The following DPYD variants were observed in gnomAD, a reference collection of about 807,000 sequenced individuals.
DPYD encodes the protein dihydropyrimidine dehydrogenase [NADP(+)].
A neutral mutation model predicts 116.2 loss-of-function variants in DPYD; 109 were observed. That is an observed-to-expected ratio of 0.94 (90% CI 0.80 to 1.10). DPYD has a LOEUF of 1.10. Ranked by LOEUF, DPYD falls within the 50% of genes least tolerant of loss-of-function variation. DPYD has a pLI of 0.00. For missense variants in DPYD, 1,302 were observed against 1,254.5 expected (o/e 1.04, Z -0.57); for synonymous variants, 440 against 432.0 (o/e 1.02, Z -0.23).
At position 97,623,874 on chromosome 1, in the gene DPYD, C is replaced by G. The variant is rs943099654; in HGVS notation, c.851-28708G>C. Among the ~76,000 whole-genome samples, 4 of 151,890 alleles carry G rather than the reference C, an allele frequency of 2.6e-5. 1 individual carries two copies. The highest frequency in any genetic ancestry group is 1.3e-4 in the Admixed American group (2 of 15,202). ...TTTTGACAAAGGTGCCAAGAATAAG[C>G]AATGGGTAAAGGATAGTCTCATTGA... On this transcript the variant is annotated intron_variant, in intron 8 of 22. Transcript: ENST00000370192.
At chr1:97,606,753 A>T (rs1655625440) in intron 8 of DPYD, among the ~76,000 whole-genome samples, 2 of 152,020 alleles carry the variant, frequency 1.3e-5, no homozygotes. Flanking sequence ...TAGTATATAG[A>T]AATAATTTGC....
chr1:97,790,135 T>A (rs1003972691), intron 3 of DPYD, among the ~76,000 whole-genome samples: 1 of 152,044 alleles, frequency 6.6e-6, no homozygotes, highest in African/African-American at 2.4e-5. Flanking sequence ...CCTCAAGAAA[T>A]CATCTGGAAT....
At chr1:97,700,909 AG>A (rs1279732641) in intron 5 of DPYD, among the ~76,000 whole-genome samples, 1 of 151,598 alleles carries the variant, frequency 6.6e-6, no homozygotes, top group African/African-American at 2.4e-5. Flanking sequence ...ATGTGGAAGG[AG>A]GGAGTGGGAT....
intron 16 of DPYD, among the ~76,000 whole-genome samples, chr1:97,342,305 G>A (rs1669628063): frequency 6.6e-6 from 1 of 151,938 alleles, no homozygotes; most frequent in African/African-American, 2.4e-5. Context: ...TTTCTACTTC[G>A]AAGAACAACT....
At chr1:97,797,731 A>G (rs375952480) in intron 3 of DPYD, 60 of 152,170 alleles carry the variant, frequency 3.9e-4, no homozygotes, top group African/African-American at 1.3e-3. Flanking sequence ...CCTGTACTAA[A>G]CCAAGCATCA....
At chr1:97,127,127 GC>G (rs1652905762) in intron 20 of DPYD, among the ~76,000 whole-genome samples, 1 of 152,134 alleles carries the variant, frequency 6.6e-6, no homozygotes. Context: ...GATAAGGCAG[GC>G]CTTCTTGGAC....
At chr1:97,219,305 A>T (rs1660631923) in intron 19 of DPYD, among the ~76,000 whole-genome samples, 1 of 152,192 alleles carries the variant, frequency 6.6e-6, no homozygotes, top group Non-Finnish European at 1.5e-5. Flanking sequence ...TTGCAAGATA[A>T]ATAGAGTGGC....
intron 2 of DPYD, among the ~76,000 whole-genome samples, chr1:97,837,976 A>T (rs1186578391): frequency 6.6e-6 from 1 of 152,256 alleles, no homozygotes; most frequent in African/African-American, 2.4e-5. Flanking sequence ...CCAATTTTCT[A>T]TATTTCTTAT....
At chr1:97,556,517 C>T (rs1296750223) in intron 11 of DPYD, among the ~76,000 whole-genome samples, 3 of 115,686 alleles carry the variant, frequency 2.6e-5, no homozygotes, top group Non-Finnish European at 5.3e-5. Context: ...CCCCCCACCC[C>T]ACAACAGTCC....
chr1:97,636,607 A>T (rs1657576145), intron 8 of DPYD, among the ~76,000 whole-genome samples: 1 of 152,184 alleles, frequency 6.6e-6, no homozygotes, highest in African/African-American at 2.4e-5. Context: ...ATGAAGACAT[A>T]TAATATGTGA....
At position 97,828,177 on chromosome 1, in the gene DPYD, T is replaced by G; in HGVS notation, c.170A>C (p.Asn57Thr). The change falls in exon 3 of 23, where the codon AAT becomes ACT. Residue 57 changes from asparagine to threonine, a missense_variant. Asn to Thr is a moderately conservative substitution (Grantham distance 65, BLOSUM62 0). Coordinates refer to ENST00000370192, the MANE Select transcript of DPYD (RefSeq NM_000110.4). ...KNCFNCEKLE[N>T]NFDDIKHTTL... The stretch of plus-strand genomic sequence containing the variant: ...CGTGTGCTTGATGTCATCAAAATTA[T>G]TCTCCAGCTTCTCACAATTCTGCAA... The G allele has an allele frequency of 6.2e-7, 1 of 1,613,508 alleles. No individual in the cohort carries two copies. The highest frequency in any genetic ancestry group is 1.1e-5 in the South Asian group (1 of 91,082).
intron 3 of DPYD, among the ~76,000 whole-genome samples, chr1:97,761,401 A>G (rs1665568476): frequency 6.6e-6 from 1 of 152,182 alleles, no homozygotes; most frequent in Non-Finnish European, 1.5e-5. Flanking sequence ...TGACAAAACG[A>G]GAATATATGA....
At chr1:97,340,686 A>C (rs990769394) in intron 16 of DPYD, among the ~76,000 whole-genome samples, 1 of 152,162 alleles carries the variant, frequency 6.6e-6, no homozygotes, top group Admixed American at 6.6e-5. Context: ...AAAAAATAAA[A>C]GAAAATAAAA....
At chr1:97,373,117 C>A (rs1443426898) in intron 16 of DPYD, among the ~76,000 whole-genome samples, 1 of 152,134 alleles carries the variant, frequency 6.6e-6, no homozygotes, top group African/African-American at 2.4e-5. Flanking sequence ...TCCCCAAACA[C>A]AGTTAGTGAA....
intron 18 of DPYD, among the ~76,000 whole-genome samples, chr1:97,254,465 C>A (rs989682657): frequency 6.6e-6 from 1 of 151,960 alleles, no homozygotes. Context: ...TGTATTTAAC[C>A]ATTTGTCCAT....
At chr1:97,496,798 A>T (rs1275277509) in intron 13 of DPYD, among the ~76,000 whole-genome samples, 1 of 151,892 alleles carries the variant, frequency 6.6e-6, no homozygotes, top group Non-Finnish European at 1.5e-5. Context: ...TCTCACGCAC[A>T]TCACATCTAG....
At chr1:97,173,021 A>G (rs1195324962) in intron 20 of DPYD, among the ~76,000 whole-genome samples, 1 of 151,952 alleles carries the variant, frequency 6.6e-6, no homozygotes, top group Non-Finnish European at 1.5e-5. Context: ...TATGTTGAGG[A>G]GTGGTAATTG....
intron 13 of DPYD, among the ~76,000 whole-genome samples, chr1:97,455,263 C>A (rs952007724): frequency 2.0e-5 from 3 of 151,812 alleles, no homozygotes; most frequent in Admixed American, 1.3e-4. Context: ...ATGAGTTATG[C>A]AGTAGTATAG....
In DPYD at chr1:97,801,901, AT is replaced by A. The variant is rs537090892; in HGVS notation, c.233+26212del. Among the ~76,000 whole-genome samples the A allele has an allele frequency of 6.6e-5, 10 of 151,960 alleles. No homozygotes were observed. In the South Asian group the frequency reaches 2.1e-3, roughly 31 times the overall value. On this transcript the variant is annotated intron_variant, in intron 3 of 22. Coordinates refer to ENST00000370192, the MANE Select transcript of DPYD (RefSeq NM_000110.4). ...ATTTAAAATGTGATAAAGATTATTTATTTTATTATTTGACTAGTAGTGTCTA... is the reference window on the plus strand; with the variant it reads ...ATTTAAAATGTGATAAAGATTATTTATTTATTATTTGACTAGTAGTGTCTA...
Sources: allele counts gnomAD v4.1 joint callset (sites outside exome capture counted in the v4.1 genomes callset), GRCh38; gene constraint gnomAD v4.1.1; transcripts MANE v1.5; gene names NCBI Gene and HGNC (gene_info 2026-07-23, HGNC 2026-07-21).